KIF16B: variants seen among roughly 807,000 people sequenced by gnomAD.
The protein encoded by KIF16B is kinesin-like protein KIF16B.
KIF16B carries 98 observed loss-of-function variants against 156.3 expected under a neutral mutation model. That is an observed-to-expected ratio of 0.63 (90% CI 0.53 to 0.74). The LOEUF is 0.74. KIF16B is among the 30% of genes least tolerant of loss of function. The pLI is 0.00. For missense variants in KIF16B, 1,421 were observed against 1,606.5 expected, an observed-to-expected ratio of 0.88 and a Z score of 1.97; for synonymous variants, 564 against 583.7, an observed-to-expected ratio of 0.97 and a Z score of 0.49.
intron 24 of KIF16B, among the ~76,000 whole-genome samples, chr20:16,320,299 T>C (rs1223728071): frequency 6.6e-6 from 1 of 152,122 alleles, no homozygotes; most frequent in Non-Finnish European, 1.5e-5. Flanking sequence ...ATATAGTGTC[T>C]AGCTTTCAAC....
At chr20:16,301,513 T>G (rs2063470884) in intron 25 of KIF16B, among the ~76,000 whole-genome samples, 2 of 152,254 alleles carry the variant, frequency 1.3e-5, no homozygotes, top group African/African-American at 4.8e-5. Context: ...ATGTTCCAGC[T>G]TTTGGCCATT....
intron 24 of KIF16B, among the ~76,000 whole-genome samples, chr20:16,332,454 A>G (rs1240919753): frequency 1.3e-5 from 2 of 152,224 alleles, no homozygotes; most frequent in East Asian, 1.9e-4. Context: ...GGAGCTTACT[A>G]CAAGGTTTCA....
At chr20:16,312,510 G>T (rs1030466219) in intron 24 of KIF16B, 92 bp from the exon 25 acceptor site, 52 of 991,170 alleles carry the variant, frequency 5.2e-5, no homozygotes, top group Non-Finnish European at 7.8e-5. Flanking sequence ...TCTTCCATGG[G>T]GTGAAAAGAA....
chr20:16,289,354 T>C (rs777659358), intron 25 of KIF16B, among the ~76,000 whole-genome samples: 4 of 152,166 alleles, frequency 2.6e-5, no homozygotes, highest in Non-Finnish European at 4.4e-5. Flanking sequence ...AGGGAATTGA[T>C]ATGCAAATAT....
chr20:16,558,334 C>G (rs573693316), intron 1 of KIF16B, among the ~76,000 whole-genome samples: 1 of 152,330 alleles, frequency 6.6e-6, no homozygotes, highest in Admixed American at 6.5e-5. Context: ...CCAGCCTTCC[C>G]TGCATCCGGC....
chr20:16,301,496 G>C (rs2063470658), intron 25 of KIF16B, among the ~76,000 whole-genome samples: 1 of 152,178 alleles, frequency 6.6e-6, no homozygotes, highest in Admixed American at 6.5e-5. Context: ...AGCATTTGGT[G>C]CTGTTTATGT....
chr20:16,406,618 A>T (rs2065793472), intron 15 of KIF16B, among the ~76,000 whole-genome samples, 162 bp from the exon 16 acceptor site: 1 of 152,206 alleles, frequency 6.6e-6, no homozygotes, highest in African/African-American at 2.4e-5. Context: ...GACAATTTCA[A>T]ATCTGGAAAT....
intron 12 of KIF16B, among the ~76,000 whole-genome samples, chr20:16,446,225 G>A (rs146089347): frequency 4.6e-5 from 7 of 152,318 alleles, no homozygotes; most frequent in Admixed American, 1.3e-4. Context: ...GCTAAAAGGT[G>A]AATTCAAAAG....
chr20:16,428,717 G>A (rs2093614867), intron 14 of KIF16B, among the ~76,000 whole-genome samples: 1 of 152,058 alleles, frequency 6.6e-6, no homozygotes, highest in African/African-American at 2.4e-5. Flanking sequence ...GGGAGAAAGG[G>A]TTTATTGGCC....
intron 12 of KIF16B, among the ~76,000 whole-genome samples, chr20:16,478,388 A>C (rs1469173310): frequency 6.6e-6 from 1 of 152,200 alleles, no homozygotes; most frequent in South Asian, 2.1e-4. Context: ...TTGGAAAACT[A>C]TTTTCAGTAT....
intron 1 of KIF16B, among the ~76,000 whole-genome samples, chr20:16,534,599 T>G (rs899499915): frequency 6.6e-6 from 1 of 152,362 alleles, no homozygotes; most frequent in South Asian, 2.1e-4. Context: ...AACAATGTCC[T>G]GAAGAGCTTT....
chr20:16,398,236 G>A (rs931335055), intron 17 of KIF16B, among the ~76,000 whole-genome samples: 3 of 152,304 alleles, frequency 2.0e-5, no homozygotes, highest in African/African-American at 7.2e-5. Context: ...CAGATGCAGA[G>A]GCCTGGAGAA....
chr20:16,573,089 AGAGGCCACAGCCTGGGCCCG>A, intron 1 of KIF16B, 120 bp downstream of exon 1: 1 of 751,968 alleles, frequency 1.3e-6, no homozygotes, highest in Non-Finnish European at 2.2e-6. Flanking sequence ...CCAGGCCCCC[AGAGGCCACAGCCTGGGCCCG>A]GTGGGCCAGG....
At chr20:16,557,009 G>A (rs1040688139) in intron 1 of KIF16B, among the ~76,000 whole-genome samples, 1 of 151,756 alleles carries the variant, frequency 6.6e-6, no homozygotes, top group African/African-American at 2.4e-5. Context: ...AATCCAAATT[G>A]AGCTGTGCTG....
chr20:16,555,746 G>A (rs1339251869), intron 1 of KIF16B, among the ~76,000 whole-genome samples: 1 of 152,100 alleles, frequency 6.6e-6, no homozygotes, highest in African/African-American at 2.4e-5. Context: ...AAGGGAAAAG[G>A]GGGAAGATGG....
chr20:16,565,752 C>T (rs934859957), intron 1 of KIF16B, among the ~76,000 whole-genome samples: 10 of 152,310 alleles, frequency 6.6e-5, no homozygotes, highest in Non-Finnish European at 1.5e-4. Context: ...ACCAGCACCC[C>T]GAAACAAATC....
chr20:16,507,444 T>A (rs1232914017), intron 7 of KIF16B, among the ~76,000 whole-genome samples: 1 of 152,204 alleles, frequency 6.6e-6, no homozygotes, highest in Non-Finnish European at 1.5e-5. Context: ...TTACCCTCAA[T>A]AATTTCCACA....
At chr20:16,430,210 C>T (rs6111113) in intron 12 of KIF16B, among the ~76,000 whole-genome samples, 73,129 of 151,988 alleles carry the variant, frequency 0.48, 18,358 homozygotes, top group East Asian at 0.76. Flanking sequence ...TTGCCTGATA[C>T]ATAACCTCTT....
chr20:16,437,724 T>C (rs1180822622), intron 12 of KIF16B, among the ~76,000 whole-genome samples: 1 of 152,208 alleles, frequency 6.6e-6, no homozygotes, highest in East Asian at 1.9e-4. Context: ...TTCCTTGTAA[T>C]ACTTTCCAGG....
Sources: gnomAD v4.1 joint callset for allele counts (sites outside exome capture counted in the v4.1 genomes callset) on GRCh38, gnomAD v4.1.1 for gene constraint, MANE v1.5 for transcripts, NCBI Gene and HGNC (gene_info 2026-07-23, HGNC 2026-07-21) for gene names.